The following MINDY2 variants were observed in gnomAD, a reference collection of about 807,000 sequenced individuals.
MINDY2 encodes the protein ubiquitin carboxyl-terminal hydrolase MINDY-2.
In MINDY2, 52 loss-of-function variants were observed where a neutral mutation model predicts 68.2. That is an observed-to-expected ratio of 0.76 (90% CI 0.61 to 0.96). The LOEUF (loss-of-function observed/expected upper bound fraction) is 0.96. Ranked by LOEUF, MINDY2 falls within the 40% of genes least tolerant of loss-of-function variation. The pLI, the probability that MINDY2 is intolerant of heterozygous loss-of-function variation, is 0.00. For missense variants in MINDY2, 881 were observed against 773.4 expected (o/e 1.14, Z -1.65); for synonymous variants, 372 against 303.0 (o/e 1.23, Z -2.36).
In MINDY2 at chr15:58,857,713, T is replaced by C. The variant is rs2033106920; in HGVS notation, c.*3103T>C. ...TAATACTTGAAAATTCTTAGATGTA[T>C]ACTGCTAACAAAAGTTAGAACTTAA... On this transcript the variant is annotated 3_prime_UTR_variant, in exon 9 of 9. Transcript: ENST00000559228. The C allele has an allele frequency of 2.0e-5, 3 of 152,210 alleles. No homozygotes were observed. The highest frequency in any genetic ancestry group is 7.2e-5 in the African/African-American group (3 of 41,458). 9.4% of individuals were successfully genotyped at this position (152,210 alleles called of 1,614,324 possible). A position where few individuals can be genotyped will look rare whatever the true frequency, so the allele number is the denominator to read the frequency against.
At chr15:58,815,119 G>A (rs1418954674) in intron 4 of MINDY2, among the ~76,000 whole-genome samples, 3 of 152,078 alleles carry the variant, frequency 2.0e-5, no homozygotes, top group Non-Finnish European at 2.9e-5. Flanking sequence ...GTTAATTTTT[G>A]TATGTGGTTC....
chr15:58,842,672 A>G (rs939810453), intron 6 of MINDY2, among the ~76,000 whole-genome samples: 5 of 152,178 alleles, frequency 3.3e-5, no homozygotes, highest in African/African-American at 1.2e-4. Flanking sequence ...AGAAATTGAG[A>G]TCGATTTAGA....
In MINDY2 at chr15:58,821,812, T is replaced by G; in HGVS notation, c.1218T>G (p.Val406=). The part of the protein sequence containing the change: ...SCKQSDNSEL[V]SEGFVAEQFL... ...AACAGTCAGACAATAGTGAGCTGGT[T>G]AGTGAAGGTGGGTGAGTGCTGCTAT... The change falls in exon 5 of 9, where the codon GTT becomes GTG. Residue 406 remains valine, a synonymous_variant. Coordinates refer to ENST00000559228, the MANE Select transcript of MINDY2 (RefSeq NM_001040450.3). 1 of 1,582,542 alleles carries G rather than the reference T, an allele frequency of 6.3e-7. No homozygotes were observed. Among genetic ancestry groups the G allele is most frequent in the African/African-American group, 1.4e-5 (1 of 73,148 alleles).
rs191466193 is a variant in MINDY2, at chr15:58,811,401, A to G, written c.1122+1013A>G. On this transcript the variant is annotated intron_variant, in intron 4 of 8. Transcript: ENST00000559228. ...GGAAGTAGACGACACACTGAAGGAT[A>G]ACTGTCAAAAGTTTAATGAAGAGAC... Among the ~76,000 whole-genome samples, 44 of 152,352 alleles carry G rather than the reference A, an allele frequency of 2.9e-4. No individual in the cohort carries two copies. In the East Asian group the frequency reaches 6.9e-3, roughly 24 times the overall value.
chr15:58,801,766 A>G (rs1400807210), intron 2 of MINDY2, among the ~76,000 whole-genome samples: 2 of 152,078 alleles, frequency 1.3e-5, no homozygotes, highest in East Asian at 3.8e-4. Context: ...CAGCCTCCCA[A>G]GTAGCTGGGA....
chr15:58,798,262 G>A (rs991953206), intron 2 of MINDY2, among the ~76,000 whole-genome samples: 6 of 150,628 alleles, frequency 4.0e-5, no homozygotes, highest in African/African-American at 9.7e-5. Context: ...GATTACAGGC[G>A]CCCGCCACCA....
At position 58,842,119 on chromosome 15, in the gene MINDY2, A is replaced by T. The variant is rs201721647; in HGVS notation, c.1369-5178A>T. 2.0e-5 allele frequency among the ~76,000 whole-genome samples: 3 copies of T among 151,950 alleles called. No individual in the cohort carries two copies. In the East Asian group the frequency reaches 5.8e-4, roughly 29 times the overall value. ...ATGATATCTGCATAGCTCTTTTCCT[A>T]TTATGACTTCTTGATTGTCCTTTTA... On this transcript the variant is annotated intron_variant, in intron 6 of 8. Coordinates refer to ENST00000559228, the MANE Select transcript of MINDY2 (RefSeq NM_001040450.3).
chr15:58,785,454 G>GTCTCTGTTGCACAAATTCA (rs1901432556), intron 1 of MINDY2, among the ~76,000 whole-genome samples: 1 of 152,130 alleles, frequency 6.6e-6, no homozygotes, highest in Non-Finnish European at 1.5e-5. Flanking sequence ...ATGCCATACT[G>GTCTCTGTTGCACAAATTCA]TCTCTGCTGC....
At chr15:58,834,246 A>G (rs2031886981) in intron 6 of MINDY2, among the ~76,000 whole-genome samples, 1 of 152,154 alleles carries the variant, frequency 6.6e-6, no homozygotes, top group Non-Finnish European at 1.5e-5. Context: ...TCCTATGTCT[A>G]CTTTCTGCAC....
At chr15:58,778,810 CTTTTTTT>C (rs1182523003) in intron 1 of MINDY2, among the ~76,000 whole-genome samples, 9 of 114,374 alleles carry the variant, frequency 7.9e-5, no homozygotes, top group Admixed American at 1.9e-4. Flanking sequence ...TTCTTTTTTT[CTTTTTTT>C]TTTTTTTTTT....
intron 2 of MINDY2, among the ~76,000 whole-genome samples, chr15:58,792,537 C>T (rs1471011818): frequency 6.6e-6 from 1 of 151,952 alleles, no homozygotes; most frequent in Middle Eastern, 3.2e-3. Flanking sequence ...ACCCGGGAGG[C>T]GGACGTTGCA....
Position 58,771,831 on chromosome 15 carries a change from G to C in MINDY2, c.436G>C (p.Ala146Pro), listed in dbSNP as rs372464935. Residue 146 changes from alanine to proline, a missense_variant, in exon 1 of 9, where the codon GCC becomes CCC. Ala to Pro is a conservative substitution (Grantham distance 27). Coordinates refer to ENST00000559228, the MANE Select transcript of MINDY2 (RefSeq NM_001040450.3). Reference sequence around the variant, plus strand: ...CACCTGCCAAGCAGAACTGACCGCCGCCGGCTCCGAAGAGCCCAGCAGCGC... The same window carrying C: ...CACCTGCCAAGCAGAACTGACCGCCCCCGGCTCCGAAGAGCCCAGCAGCGC... ...AGTCQAELTA[A>P]GSEEPSSAGG... 1.3e-5 allele frequency: 21 copies of C among 1,608,078 alleles called. No individual in the cohort carries two copies. The African/African-American group carries it at 2.3e-4, about 17-fold the overall frequency.
At chr15:58,828,719 C>T (rs1294946452) in intron 5 of MINDY2, among the ~76,000 whole-genome samples, 5 of 151,476 alleles carry the variant, frequency 3.3e-5, no homozygotes, top group Non-Finnish European at 7.4e-5. Context: ...TGCCACCATG[C>T]CTGGCTAATT....
intron 3 of MINDY2, among the ~76,000 whole-genome samples, chr15:58,803,458 C>A (rs1595728890): frequency 6.8e-6 from 1 of 147,446 alleles, no homozygotes; most frequent in Non-Finnish European, 1.5e-5. Flanking sequence ...CAGAGCAAGA[C>A]TCTGTCTCAT....
intron 3 of MINDY2, among the ~76,000 whole-genome samples, chr15:58,804,327 T>A (rs1902874321): frequency 6.6e-6 from 1 of 152,216 alleles, no homozygotes; most frequent in Non-Finnish European, 1.5e-5. Context: ...TGATAAAGTT[T>A]AATTTATATC....
intron 2 of MINDY2, among the ~76,000 whole-genome samples, chr15:58,789,773 G>T (rs1409247430): frequency 6.6e-6 from 1 of 152,002 alleles, no homozygotes; most frequent in East Asian, 1.9e-4. Flanking sequence ...TCAGCCTCCC[G>T]AGTAGCTGGG....
At chr15:58,827,913 G>A (rs2031498524) in intron 5 of MINDY2, among the ~76,000 whole-genome samples, 1 of 151,846 alleles carries the variant, frequency 6.6e-6, no homozygotes, top group African/African-American at 2.4e-5. Context: ...AATGTTCTGG[G>A]CTCCCTACTG....
chr15:58,789,211 G>A (rs1461540499), intron 2 of MINDY2, among the ~76,000 whole-genome samples: 1 of 151,678 alleles, frequency 6.6e-6, no homozygotes, highest in African/African-American at 2.4e-5. Flanking sequence ...GGTGGCAGAC[G>A]CCTGATGTCC....
rs2033147552 is a variant in MINDY2, at chr15:58,859,186, A to G, written c.*4576A>G. 6.6e-6 allele frequency: 1 copy of G among 152,076 alleles called. No homozygotes were observed. Among genetic ancestry groups the G allele is most frequent in the South Asian group, 2.1e-4 (1 of 4,828 alleles). The allele number at this position is 152,076 out of a possible 1,614,324, so 9.4% of individuals were successfully genotyped here. On this transcript the variant is annotated 3_prime_UTR_variant, in exon 9 of 9. Transcript: ENST00000559228. ...GTTTTTTGTGTGTTCTATAGACTAT[A>G]GAGTCAAAATCAAGAGTATTTTGAG...
Sources: gnomAD v4.1 joint callset for allele counts (sites outside exome capture counted in the v4.1 genomes callset) on GRCh38, gnomAD v4.1.1 for gene constraint, MANE v1.5 for transcripts, NCBI Gene and HGNC (gene_info 2026-07-23, HGNC 2026-07-21) for gene names.